EYS: variants seen among roughly 807,000 people sequenced by gnomAD.
EYS encodes protein eyes shut homolog.
EYS carries 250 observed loss-of-function variants against 282.1 expected under a neutral mutation model. The ratio of observed to expected loss-of-function variants is 0.89; its 90% CI spans 0.80 to 0.98. The LOEUF (loss-of-function observed/expected upper bound fraction) is 0.98, where lower values mean the gene tolerates loss of function less well. Ranked by LOEUF, EYS falls within the 50% of genes least tolerant of loss-of-function variation. The pLI is 0.00. For synonymous variants in EYS, 1,355 were observed against 1,282.9 expected, an observed-to-expected ratio of 1.06 and a Z score of -1.20; for missense variants, 4,016 against 3,709.0, an observed-to-expected ratio of 1.08 and a Z score of -2.15.
At chr6:64,807,254 T>C (rs1764460268) in intron 22 of EYS, among the ~76,000 whole-genome samples, 1 of 152,136 alleles carries the variant, frequency 6.6e-6, no homozygotes, top group South Asian at 2.1e-4. Flanking sequence ...TTGTATTTGA[T>C]ATTTCAAATA....
chr6:64,403,782 G>A (rs1375664506), intron 28 of EYS, among the ~76,000 whole-genome samples: 1 of 152,178 alleles, frequency 6.6e-6, no homozygotes. Flanking sequence ...AACAATTCAA[G>A]AAAACACCAG....
At chr6:64,186,438 C>T (rs1357236218) in intron 31 of EYS, among the ~76,000 whole-genome samples, 1 of 152,036 alleles carries the variant, frequency 6.6e-6, no homozygotes, top group East Asian at 1.9e-4. Context: ...AATTTATTAT[C>T]AGAGCAGATG....
intron 36 of EYS, among the ~76,000 whole-genome samples, chr6:63,817,491 T>C (rs887988822): frequency 1.3e-5 from 2 of 152,148 alleles, no homozygotes; most frequent in African/African-American, 4.8e-5. Flanking sequence ...CAATCGCGGA[T>C]GCAGCTACTA....
intron 22 of EYS, among the ~76,000 whole-genome samples, chr6:64,658,588 T>TGGA (rs1768853725): frequency 6.6e-6 from 1 of 152,250 alleles, no homozygotes; most frequent in African/African-American, 2.4e-5. Context: ...GACCCTCAGC[T>TGGA]GGAGGTCTGT....
At chr6:64,401,790 C>T (rs1461834771) in intron 28 of EYS, among the ~76,000 whole-genome samples, 3 of 152,066 alleles carry the variant, frequency 2.0e-5, no homozygotes, top group Non-Finnish European at 2.9e-5. Context: ...CCACAGGTGA[C>T]ATGGAACTGT....
chr6:65,249,885 G>T (rs941221888), intron 12 of EYS, among the ~76,000 whole-genome samples: 6 of 151,992 alleles, frequency 3.9e-5, no homozygotes, highest in African/African-American at 1.4e-4. Context: ...AGCAAAAAAG[G>T]TTAATAACTG....
At chr6:64,296,565 TA>T (rs1561913582) in intron 30 of EYS, among the ~76,000 whole-genome samples, 139 of 7,420 alleles carry the variant, frequency 0.019, 5 homozygotes, top group African/African-American at 0.071. Context: ...TATATATATA[TA>T]TATATATATA....
chr6:65,055,477 T>C (rs566124449), intron 13 of EYS, among the ~76,000 whole-genome samples: 3 of 152,198 alleles, frequency 2.0e-5, no homozygotes, highest in Admixed American at 1.3e-4. Flanking sequence ...AATGAACCAA[T>C]ATTGATGTTA....
At chr6:63,882,497 C>A (rs564370843) in intron 35 of EYS, among the ~76,000 whole-genome samples, 1 of 152,300 alleles carries the variant, frequency 6.6e-6, no homozygotes, top group East Asian at 1.9e-4. Flanking sequence ...CATTCATTCA[C>A]CCACTCAACG....
intron 29 of EYS, among the ~76,000 whole-genome samples, chr6:64,344,496 A>G (rs974060245): frequency 4.6e-5 from 7 of 152,162 alleles, no homozygotes; most frequent in African/African-American, 1.7e-4. Context: ...GGCCTTTGAC[A>G]AAATTCAACA....
chr6:64,565,244 T>A (rs1437315431), intron 26 of EYS, among the ~76,000 whole-genome samples: 1 of 152,142 alleles, frequency 6.6e-6, no homozygotes, highest in Non-Finnish European at 1.5e-5. Flanking sequence ...TGATGCCATA[T>A]CCGAGAAATA....
At chr6:64,737,140 A>G (rs538275231) in intron 22 of EYS, among the ~76,000 whole-genome samples, 48 of 152,304 alleles carry the variant, frequency 3.2e-4, no homozygotes, top group African/African-American at 9.9e-4. Context: ...GACCAATATC[A>G]TTTTTTGTGA....
chr6:64,131,164 G>T (rs116815146), intron 31 of EYS, among the ~76,000 whole-genome samples: 2,593 of 152,260 alleles, frequency 0.017, 63 homozygotes, highest in African/African-American at 0.059. Context: ...ACTGGACCCG[G>T]TGTGAATTTT....
intron 15 of EYS, among the ~76,000 whole-genome samples, chr6:64,926,157 T>G (rs1395559028): frequency 1.3e-5 from 2 of 152,166 alleles, no homozygotes; most frequent in Non-Finnish European, 1.5e-5. Flanking sequence ...AACTTTCTGC[T>G]GGGGTCAAAA....
At chr6:64,166,463 G>A (rs1427888169) in intron 31 of EYS, among the ~76,000 whole-genome samples, 1 of 152,138 alleles carries the variant, frequency 6.6e-6, no homozygotes, top group East Asian at 1.9e-4. Context: ...ACAATCTTTA[G>A]ACTTCAATCA....
intron 12 of EYS, among the ~76,000 whole-genome samples, chr6:65,267,539 T>C (rs1767791185): frequency 6.6e-6 from 1 of 152,014 alleles, no homozygotes; most frequent in Non-Finnish European, 1.5e-5. Context: ...ATTTATCGGA[T>C]GAAGCACAAT....
intron 35 of EYS, among the ~76,000 whole-genome samples, chr6:63,884,886 G>C (rs1773226210): frequency 6.6e-6 from 1 of 151,782 alleles, no homozygotes; most frequent in Non-Finnish European, 1.5e-5. Flanking sequence ...GTATCAATTG[G>C]AAACACTTTA....
At chr6:64,808,406 T>TTA (rs890194504) in intron 22 of EYS, among the ~76,000 whole-genome samples, 2 of 152,108 alleles carry the variant, frequency 1.3e-5, no homozygotes, top group African/African-American at 4.8e-5. Flanking sequence ...ATAACTAGCT[T>TTA]TATATTTGTA....
chr6:63,815,189 A>G (rs1445869755), intron 36 of EYS, among the ~76,000 whole-genome samples: 5 of 152,208 alleles, frequency 3.3e-5, no homozygotes, highest in African/African-American at 9.6e-5. Context: ...AGTATCTATT[A>G]TGTCCCAGCT....
Sources: allele counts gnomAD v4.1 joint callset (sites outside exome capture counted in the v4.1 genomes callset), GRCh38; gene constraint gnomAD v4.1.1; transcripts MANE v1.5; gene names NCBI Gene and HGNC (gene_info 2026-07-23, HGNC 2026-07-21).